Variants in CMC1 observed in about 807,000 individuals in gnomAD.
CMC1 encodes COX assembly mitochondrial protein homolog.
Under a neutral mutation model 14.1 loss-of-function variants are expected in CMC1, and 14 were observed. The observed-to-expected ratio is 0.99, with a 90% CI of 0.66 to 1.55. CMC1 has a LOEUF of 1.55. Among genes scored for constraint, CMC1 ranks in the 40% most tolerant of loss-of-function variants. The pLI, the probability that CMC1 is intolerant of heterozygous loss-of-function variation, is 0.00. For missense variants in CMC1, 127 were observed against 123.8 expected (o/e 1.03, Z -0.12); for synonymous variants, 50 against 38.4 (o/e 1.30, Z -1.12).
At chr3:28,305,389 C>T (rs1388608684) in intron 2 of CMC1, among the ~76,000 whole-genome samples, 2 of 152,162 alleles carry the variant, frequency 1.3e-5, no homozygotes, top group African/African-American at 4.8e-5. Flanking sequence ...AATAAACATA[C>T]AAGGGCAAGT....
At chr3:28,265,687 G>C (rs961476171) in intron 2 of CMC1, among the ~76,000 whole-genome samples, 5 of 152,082 alleles carry the variant, frequency 3.3e-5, no homozygotes, top group Non-Finnish European at 7.4e-5. Context: ...ACTTAGGTTT[G>C]TGAAGGGAAT....
At chr3:28,312,550 C>T (rs181238654) in intron 2 of CMC1, among the ~76,000 whole-genome samples, 192 of 152,122 alleles carry the variant, frequency 1.3e-3, no homozygotes, top group Non-Finnish European at 2.3e-3. Context: ...ATCCTTTGCT[C>T]AATTAAGGAA....
intron 2 of CMC1, among the ~76,000 whole-genome samples, chr3:28,315,391 A>G (rs1462762145): frequency 6.6e-6 from 1 of 152,190 alleles, no homozygotes; most frequent in Non-Finnish European, 1.5e-5. Context: ...ACAGAAAGCC[A>G]TTTGAAGTAT....
intron 2 of CMC1, chr3:28,292,613 A>G (rs1217539888): frequency 6.6e-6 from 1 of 152,050 alleles, no homozygotes; most frequent in African/African-American, 2.4e-5. Flanking sequence ...AAATTTAAAT[A>G]TTTTCTATTT....
At chr3:28,304,921 A>C (rs551476127) in intron 2 of CMC1, among the ~76,000 whole-genome samples, 9 of 152,070 alleles carry the variant, frequency 5.9e-5, no homozygotes, top group Non-Finnish European at 1.0e-4. Context: ...GTTTACCATT[A>C]ATCTTTAAAA....
At chr3:28,284,703 T>A (rs1417802741) in intron 2 of CMC1, among the ~76,000 whole-genome samples, 2 of 151,630 alleles carry the variant, frequency 1.3e-5, no homozygotes, top group Non-Finnish European at 2.9e-5. Flanking sequence ...AAGCCATAAG[T>A]TTTTGGCTGT....
At chr3:28,306,590 T>A (rs142595246) in intron 2 of CMC1, among the ~76,000 whole-genome samples, 1 of 152,182 alleles carries the variant, frequency 6.6e-6, no homozygotes, top group Non-Finnish European at 1.5e-5. Context: ...ATCTTTAGCA[T>A]TTTCTAAATA....
chr3:28,248,646 A>G (rs1252225581), intron 1 of CMC1, among the ~76,000 whole-genome samples: 3 of 152,152 alleles, frequency 2.0e-5, no homozygotes, highest in Non-Finnish European at 1.5e-5. Flanking sequence ...TGTTAAAATC[A>G]TATGTGTAAA....
intron 1 of CMC1, among the ~76,000 whole-genome samples, chr3:28,245,571 G>A (rs1407575873): frequency 6.6e-6 from 1 of 152,156 alleles, no homozygotes; most frequent in Admixed American, 6.5e-5. Context: ...GTGTGTGTGT[G>A]TCCCTGTGTC....
chr3:28,299,090 A>G (rs912246969), intron 2 of CMC1, among the ~76,000 whole-genome samples: 3 of 151,950 alleles, frequency 2.0e-5, no homozygotes, highest in African/African-American at 7.2e-5. Flanking sequence ...TCAATTTTCT[A>G]TTTGCCCTGT....
intron 1 of CMC1, among the ~76,000 whole-genome samples, chr3:28,256,962 C>T (rs1034221086): frequency 6.6e-6 from 1 of 152,132 alleles, no homozygotes; most frequent in Non-Finnish European, 1.5e-5. Context: ...TGAACCTAAA[C>T]ACTAGCAGTA....
intron 2 of CMC1, among the ~76,000 whole-genome samples, chr3:28,308,398 T>G (rs6772349): frequency 0.011 from 1,655 of 152,322 alleles, 29 homozygotes; most frequent in African/African-American, 0.038. Context: ...TTCTAGGGGA[T>G]TTCATCATTT....
intron 2 of CMC1, chr3:28,292,925 A>G (rs1701551000): frequency 6.6e-6 from 1 of 152,174 alleles, no homozygotes; most frequent in Admixed American, 6.6e-5. Context: ...AAAATGTGAA[A>G]GTATTTTTAA....
intron 2 of CMC1, among the ~76,000 whole-genome samples, chr3:28,303,754 A>G (rs999611156): frequency 6.6e-6 from 1 of 152,166 alleles, no homozygotes; most frequent in African/African-American, 2.4e-5. Context: ...TGTTCGATAA[A>G]TATATATGAA....
In CMC1 at chr3:28,322,842, TGAG is replaced by T. The variant is rs1412131619; in HGVS notation, c.*3214_*3216del. On this transcript the variant is annotated 3_prime_UTR_variant, in exon 4 of 4. Coordinates refer to ENST00000466830, the MANE Select transcript of CMC1 (RefSeq NM_182523.2). ...ATACAGTAGAAGAGATCTGAGATAT[TGAG>T]TTCAAGATATATGAAACTGTCTATC... 2 of 151,260 alleles carry T rather than the reference TGAG, an allele frequency of 1.3e-5. No homozygotes were observed. The highest frequency in any genetic ancestry group is 4.8e-5 in the African/African-American group (2 of 41,320). 9.4% of individuals were successfully genotyped at this position (151,260 alleles called of 1,614,324 possible).
intron 2 of CMC1, among the ~76,000 whole-genome samples, chr3:28,313,446 C>CT (rs1702741756): frequency 6.6e-6 from 1 of 152,066 alleles, no homozygotes; most frequent in East Asian, 1.9e-4. Context: ...TATACAAGCT[C>CT]TTTAACATTT....
chr3:28,258,936 T>C (rs1699583422), intron 1 of CMC1, among the ~76,000 whole-genome samples: 1 of 152,048 alleles, frequency 6.6e-6, no homozygotes, highest in Admixed American at 6.6e-5. Context: ...TGGATTCTTT[T>C]GTTCTCTTTT....
intron 2 of CMC1, among the ~76,000 whole-genome samples, chr3:28,300,708 A>C (rs369278175): frequency 0.034 from 436 of 12,814 alleles, 5 homozygotes; most frequent in Middle Eastern, 0.083. Flanking sequence ...CCTCCCTCTC[A>C]CCCTCCCTCC....
At chr3:28,291,708 T>G (rs1308733308) in intron 2 of CMC1, 1 of 152,190 alleles carries the variant, frequency 6.6e-6, no homozygotes. Context: ...GCCACCTTTT[T>G]CTGATGTTTG....
Sources: allele counts gnomAD v4.1 joint callset (sites outside exome capture counted in the v4.1 genomes callset), GRCh38; gene constraint gnomAD v4.1.1; transcripts MANE v1.5; gene names NCBI Gene and HGNC (gene_info 2026-07-23, HGNC 2026-07-21).